SERPINB4: variants seen among roughly 807,000 people sequenced by gnomAD.
SERPINB4 encodes the protein serpin B4.
A neutral mutation model predicts 33.2 loss-of-function variants in SERPINB4; 39 were observed. That is an observed-to-expected ratio of 1.18 (90% CI 0.91 to 1.53). SERPINB4 has a LOEUF of 1.53. Ranked by LOEUF, SERPINB4 falls within the 40% of genes most tolerant of loss-of-function variation. The pLI is 0.00. For synonymous variants in SERPINB4, 191 were observed against 166.4 expected, an observed-to-expected ratio of 1.15 and a Z score of -1.14; for missense variants, 564 against 455.4, an observed-to-expected ratio of 1.24 and a Z score of -2.17.
intron 3 of SERPINB4, among the ~76,000 whole-genome samples, 174 bp from the exon 4 acceptor site, chr18:63,642,062 A>G (rs888387323): frequency 2.6e-5 from 4 of 152,030 alleles, no homozygotes; most frequent in South Asian, 2.1e-4. Flanking sequence ...TCCACCTTAT[A>G]TTTGACTTCT....
rs945377832 is a variant in SERPINB4, at chr18:63,642,005, G to C, written c.223-117C>G. ...GGTAGTCTCATTGAGGACCTTTGAT[G>C]TTATTCCCTGATAATTGGTGTATTT... On this transcript the variant is annotated intron_variant, in intron 3 of 7. Transcript: ENST00000341074. The C allele has an allele frequency of 1.3e-5, 18 of 1,420,440 alleles. No homozygotes were observed. In the Admixed American group the frequency reaches 1.3e-4, roughly 10 times the overall value. The allele number at this position is 1,420,440 out of a possible 1,614,324, so 88.0% of individuals were successfully genotyped here. A position where few individuals can be genotyped will look rare whatever the true frequency, so the allele number is the denominator to read the frequency against.
intron 5 of SERPINB4, among the ~76,000 whole-genome samples, chr18:63,640,173 G>A (rs1226609263): frequency 6.6e-6 from 1 of 151,916 alleles, no homozygotes; most frequent in African/African-American, 2.4e-5. Flanking sequence ...CCATTCAGAG[G>A]AAGGAGGCCC....
At position 63,637,630 on chromosome 18, in the gene SERPINB4, A is replaced by G. The variant is rs1912967811; in HGVS notation, c.*89T>C. On this transcript the variant is annotated 3_prime_UTR_variant, in exon 8 of 8. Transcript: ENST00000341074. ...CAAGATGAGATAGAAAAGAAATATG[A>G]GCCAAGAGAATCTGTTGTTGCCAGC... The G allele has an allele frequency of 1.5e-6, 2 of 1,330,846 alleles. No individual in the cohort carries two copies. The highest frequency in any genetic ancestry group is 1.5e-5 in the South Asian group (1 of 66,448). 82.4% of individuals were successfully genotyped at this position (1,330,846 alleles called of 1,614,324 possible).
intron 6 of SERPINB4, 69 bp from the exon 7 acceptor site, chr18:63,639,409 A>T (rs1913050219): frequency 7.1e-7 from 1 of 1,407,682 alleles, no homozygotes; most frequent in Admixed American, 2.0e-5. Flanking sequence ...TATTATTGAG[A>T]TAGCAACACA....
intron 2 of SERPINB4, 89 bp downstream of exon 2, chr18:63,643,324 C>G: frequency 1.9e-6 from 3 of 1,608,662 alleles, no homozygotes; most frequent in Middle Eastern, 1.7e-4. Flanking sequence ...TGCTACCCAT[C>G]AGACCACCAC....
Position 63,643,667 on chromosome 18 carries a change from A to C in SERPINB4, c.-26-64T>G, listed in dbSNP as rs570739240. The C allele has an allele frequency of 6.0e-6, 9 of 1,504,364 alleles. No individual in the cohort carries two copies. The South Asian group carries it at 1.2e-4, about 19-fold the overall frequency. The allele number at this position is 1,504,364 out of a possible 1,614,324, so 93.2% of individuals were successfully genotyped here. On this transcript the variant is annotated intron_variant, in intron 1 of 7. Transcript: ENST00000341074. ...AAATGGAATGGTATTTTGTAGTACA[A>C]TTTTCTTAAAGAAATGATATATCTG...
At chr18:63,641,923 T>C in intron 3 of SERPINB4, 35 bp from the exon 4 acceptor site, 2 of 1,610,780 alleles carry the variant, frequency 1.2e-6, no homozygotes, top group Non-Finnish European at 1.7e-6. Flanking sequence ...ATTCAATTGC[T>C]GTATCAATGT....
chr18:63,641,200 A>G (rs1432677603), intron 4 of SERPINB4, among the ~76,000 whole-genome samples: 2 of 152,072 alleles, frequency 1.3e-5, no homozygotes, highest in Non-Finnish European at 2.9e-5. Context: ...CTGAAGGTCA[A>G]TATCATCTTG....
In SERPINB4 at chr18:63,637,737, G is replaced by C. The variant is rs1337003083; in HGVS notation, c.1155C>G (p.Gly385=). 3 of 1,608,938 alleles carry C rather than the reference G, an allele frequency of 1.9e-6. No homozygotes were observed. The highest frequency in any genetic ancestry group is 2.7e-5 in the African/African-American group (2 of 74,786). The change falls in exon 8 of 8, where the codon GGC becomes GGG. Residue 385 remains glycine, a synonymous_variant. Transcript: ENST00000341074. ...QNKTNSILFY[G]RFSSP ...ATTGCATCTATGGGGATGAGAATCTGCCATAGAAGAGGATGCTGTTGGTCT... is the reference window on the plus strand; with the variant it reads ...ATTGCATCTATGGGGATGAGAATCTCCCATAGAAGAGGATGCTGTTGGTCT...
Position 63,643,434 on chromosome 18 carries a change from G to A in SERPINB4, c.144C>T (p.Asn48=), listed in dbSNP as rs747390315. 2.5e-6 allele frequency: 4 copies of A among 1,613,720 alleles called. No homozygotes were observed. Among genetic ancestry groups the A allele is most frequent in the Non-Finnish European group, 3.4e-6 (4 of 1,179,730 alleles). ...CTACCTTGCTAATTTGTTGTGCAGT[G>A]TTGTCTTTGGCTCCTAAGAGGACCA... ...LGMVLLGAKD[N]TAQQISKVLH... The change falls in exon 2 of 8, where the codon AAC becomes AAT. Residue 48 remains asparagine (N), a synonymous_variant. Coordinates refer to ENST00000341074, the MANE Select transcript of SERPINB4 (RefSeq NM_002974.4).
rs757481168 is a variant in SERPINB4, at chr18:63,637,838, C to G, written c.1054G>C (p.Val352Leu). The change falls in exon 8 of 8, where the codon GTC becomes CTC. Residue 352 changes from valine to leucine, a missense_variant. Physicochemically the swap from Val to Leu is conservative, Grantham distance 32. Coordinates refer to ENST00000341074, the MANE Select transcript of SERPINB4 (RefSeq NM_002974.4). Reference protein sequence around the residue: ...EAAAATAVVVVELSSPSTNEE... With the variant: ...EAAAATAVVVLELSSPSTNEE... ...TTAGTTGAAGGAGATGATAATTCGACTACTACTACAGCGGTGGCAGCTGCA... is the reference window on the plus strand; with the variant it reads ...TTAGTTGAAGGAGATGATAATTCGAGTACTACTACAGCGGTGGCAGCTGCA... 6.2e-7 allele frequency: 1 copy of G among 1,613,512 alleles called. No homozygotes were observed. Among genetic ancestry groups the G allele is most frequent in the Non-Finnish European group, 8.5e-7 (1 of 1,179,672 alleles).
chr18:63,643,963 T>A (rs1369919310), intron 1 of SERPINB4, among the ~76,000 whole-genome samples: 2 of 151,830 alleles, frequency 1.3e-5, no homozygotes, highest in African/African-American at 4.8e-5. Flanking sequence ...CCCTGACATC[T>A]CCTTCAAGAC....
rs1341435619 is a variant in SERPINB4 at position 63,639,634 on chromosome 18, C to T, written c.612G>A (p.Lys204=). ...TATATAAATAAAATATAGACAATAC[C>T]TTGTTTGGCCAAAATTTTTCCTCTT... The part of the protein sequence containing the change: ...NTKEEKFWPN[K]NTYKSVQMMR... Residue 204 remains lysine, a splice_region_variant and synonymous_variant, in exon 6 of 8, where the codon AAG becomes AAA. Transcript: ENST00000341074. 1 of 1,583,554 alleles carries T rather than the reference C, an allele frequency of 6.3e-7. No individual in the cohort carries two copies. Among genetic ancestry groups the T allele is most frequent in the East Asian group, 2.2e-5 (1 of 44,522 alleles).
chr18:63,642,255 C>T (rs137857386), intron 3 of SERPINB4, among the ~76,000 whole-genome samples: 23 of 152,150 alleles, frequency 1.5e-4, no homozygotes, highest in South Asian at 8.3e-4. Context: ...ATCAAGGATA[C>T]GAGTATGTTG....
In SERPINB4 at chr18:63,637,892, C is replaced by T; in HGVS notation, c.1000G>A (p.Val334Met). 1.2e-6 allele frequency: 2 copies of T among 1,613,594 alleles called. No individual in the cohort carries two copies. Among genetic ancestry groups the T allele is most frequent in the Admixed American group, 1.7e-5 (1 of 59,872 alleles). ...SVSKVLHKAF[V>M]EVTEEGVEAA... The stretch of plus-strand genomic sequence containing the variant: ...TCCACTCCCTCCTCAGTGACCTCCA[C>T]AAAGGCCTTGTGTAGGACTTTAGAT... Residue 334 changes from valine to methionine, a missense_variant, in exon 8 of 8, where the codon GTG (valine) becomes ATG (methionine). Physicochemically the swap from Val to Met is conservative, Grantham distance 21. Transcript: ENST00000341074.
At chr18:63,640,788 A>G in intron 5 of SERPINB4, 86 bp downstream of exon 5, 1 of 1,160,070 alleles carries the variant, frequency 8.6e-7, no homozygotes, top group Non-Finnish European at 1.3e-6. Flanking sequence ...CTCAATCCCC[A>G]CACCTGTTCC....
chr18:63,638,975 AAAAC>A (rs774182425), intron 7 of SERPINB4, among the ~76,000 whole-genome samples: 49 of 152,224 alleles, frequency 3.2e-4, no homozygotes, highest in South Asian at 2.3e-3. Flanking sequence ...AATAATAATA[AAAAC>A]AAACAAACAA....
chr18:63,640,462 A>G (rs768305884), intron 5 of SERPINB4, among the ~76,000 whole-genome samples: 13 of 152,076 alleles, frequency 8.5e-5, no homozygotes, highest in Admixed American at 8.5e-4. Context: ...CAAAAGGGTG[A>G]TTTACCAGAG....
chr18:63,643,738 C>T (rs889064310), intron 1 of SERPINB4, 135 bp from the exon 2 acceptor site: 41 of 961,070 alleles, frequency 4.3e-5, no homozygotes, highest in Middle Eastern at 3.1e-4. Flanking sequence ...ATTTTTAACG[C>T]TTCAATCTTT....
Sources: gnomAD v4.1 joint callset for allele counts (sites outside exome capture counted in the v4.1 genomes callset) on GRCh38, gnomAD v4.1.1 for gene constraint, MANE v1.5 for transcripts, NCBI Gene and HGNC (gene_info 2026-07-23, HGNC 2026-07-21) for gene names.